The following NUP153 variants were observed in gnomAD, a reference collection of about 807,000 sequenced individuals.
The protein encoded by NUP153 is nucleoporin 153, also known as nuclear pore complex protein Nup153.
Under a neutral mutation model 134.6 loss-of-function variants are expected in NUP153, and 27 were observed. The observed-to-expected ratio is 0.20, with a 90% CI of 0.15 to 0.28. The LOEUF (loss-of-function observed/expected upper bound fraction) is 0.28. NUP153 is among the 10% of genes least tolerant of loss of function. The pLI is 1.00. For synonymous variants in NUP153, 640 were observed against 623.5 expected (o/e 1.03, Z -0.40); for missense variants, 1,821 against 1,731.3 (o/e 1.05, Z -0.92).
At chr6:17,648,112 T>C (rs367735885) in intron 12 of NUP153, among the ~76,000 whole-genome samples, 44 of 152,170 alleles carry the variant, frequency 2.9e-4, no homozygotes, top group Admixed American at 5.9e-4. Context: ...ATCTTAGAGG[T>C]GGATATTTGT....
At chr6:17,623,534 G>A (rs1764763419) in intron 20 of NUP153, among the ~76,000 whole-genome samples, 1 of 152,064 alleles carries the variant, frequency 6.6e-6, no homozygotes, top group Non-Finnish European at 1.5e-5. Context: ...GCAATCCCAT[G>A]CCACTGTATA....
At chr6:17,657,392 AT>A (rs1353196377) in intron 11 of NUP153, among the ~76,000 whole-genome samples, 68 of 148,104 alleles carry the variant, frequency 4.6e-4, no homozygotes, top group African/African-American at 1.2e-3. Flanking sequence ...AAATAAAAAA[AT>A]AAAAAAATAA....
At chr6:17,701,016 G>A (rs1368866397) in intron 1 of NUP153, among the ~76,000 whole-genome samples, 1 of 151,932 alleles carries the variant, frequency 6.6e-6, no homozygotes, top group Non-Finnish European at 1.5e-5. Context: ...ACTTGAGGTC[G>A]GGAGTTCGAG....
At chr6:17,694,845 G>A (rs1000072659) in intron 1 of NUP153, among the ~76,000 whole-genome samples, 2 of 151,762 alleles carry the variant, frequency 1.3e-5, no homozygotes, top group Non-Finnish European at 2.9e-5. Context: ...CGGGCATGGT[G>A]GTGGGCACCT....
chr6:17,651,104 G>C (rs1443777178), intron 11 of NUP153, among the ~76,000 whole-genome samples: 2 of 152,098 alleles, frequency 1.3e-5, no homozygotes, highest in Non-Finnish European at 2.9e-5. Flanking sequence ...TTCGAGACCA[G>C]TCTGGGCAAC....
chr6:17,688,018 C>A (rs1273521844), intron 2 of NUP153, among the ~76,000 whole-genome samples: 3 of 151,924 alleles, frequency 2.0e-5, no homozygotes, highest in African/African-American at 7.3e-5. Context: ...ACTTGGGAGG[C>A]TGAGGCAGGA....
chr6:17,653,448 A>G (rs1363711161), intron 11 of NUP153, among the ~76,000 whole-genome samples: 1 of 152,210 alleles, frequency 6.6e-6, no homozygotes, highest in African/African-American at 2.4e-5. Context: ...AACTAAATAA[A>G]ATGTTCATAC....
intron 16 of NUP153, among the ~76,000 whole-genome samples, chr6:17,636,492 T>C (rs1765557228): frequency 6.6e-6 from 1 of 152,164 alleles, no homozygotes; most frequent in African/African-American, 2.4e-5. Context: ...TCATGAATAA[T>C]GCATTGAAAA....
chr6:17,692,123 CT>C (rs1184797102), intron 1 of NUP153, among the ~76,000 whole-genome samples: 8 of 152,166 alleles, frequency 5.3e-5, no homozygotes, highest in Non-Finnish European at 7.3e-5. Context: ...TCATAGATCC[CT>C]CATGTGGCAA....
intron 20 of NUP153, among the ~76,000 whole-genome samples, chr6:17,618,087 G>T (rs1764433635): frequency 6.6e-6 from 1 of 152,122 alleles, no homozygotes; most frequent in South Asian, 2.1e-4. Context: ...GAAGTTCTCT[G>T]ATACCCTCCA....
chr6:17,657,464 T>A (rs1232047551), intron 11 of NUP153, among the ~76,000 whole-genome samples: 1 of 151,680 alleles, frequency 6.6e-6, no homozygotes, highest in Non-Finnish European at 1.5e-5. Flanking sequence ...CTTGGGAGGC[T>A]GAGACATGAG....
intron 1 of NUP153, among the ~76,000 whole-genome samples, chr6:17,692,076 C>A (rs1769311608): frequency 6.6e-6 from 1 of 152,184 alleles, no homozygotes; most frequent in Non-Finnish European, 1.5e-5. Flanking sequence ...ATCTGGAAGG[C>A]AAGTATAGAA....
At chr6:17,655,139 A>C (rs1173779771) in intron 11 of NUP153, among the ~76,000 whole-genome samples, 2 of 152,216 alleles carry the variant, frequency 1.3e-5, no homozygotes, top group South Asian at 2.1e-4. Context: ...AACACACACA[A>C]AAAAACTCAT....
intron 1 of NUP153, among the ~76,000 whole-genome samples, chr6:17,695,052 G>C (rs1769552411): frequency 6.6e-6 from 1 of 151,998 alleles, no homozygotes; most frequent in East Asian, 1.9e-4. Context: ...CCCAAATACA[G>C]GCGTGTCCTT....
At chr6:17,630,809 GGAGAGAA>G (rs138311573) in intron 17 of NUP153, among the ~76,000 whole-genome samples, 2,846 of 151,050 alleles carry the variant, frequency 0.019, 95 homozygotes, top group African/African-American at 0.065. Context: ...AGAAGAGAGA[GGAGAGAA>G]GAGAAAAGAG....
chr6:17,665,412 A>G, intron 8 of NUP153, 27 bp from the exon 9 acceptor site: 2 of 1,565,746 alleles, frequency 1.3e-6, no homozygotes, highest in Middle Eastern at 1.7e-4. Context: ...AATCAAAAAC[A>G]TTTATTTTCA....
chr6:17,674,867 GA>G (rs537171178), intron 5 of NUP153, 37 bp downstream of exon 5: 97 of 1,427,016 alleles, frequency 6.8e-5, no homozygotes, highest in African/African-American at 3.4e-4. Flanking sequence ...TAAAAAAAAA[GA>G]AAAAAAAAGA....
At chr6:17,679,570 AAAC>A (rs918331839) in intron 2 of NUP153, among the ~76,000 whole-genome samples, 101 of 152,358 alleles carry the variant, frequency 6.6e-4, no homozygotes, top group African/African-American at 2.4e-3. Flanking sequence ...TAATCTTTAA[AAAC>A]AACAAAAAAG....
chr6:17,647,446 G>C (rs1022420512), intron 13 of NUP153, among the ~76,000 whole-genome samples: 1 of 152,134 alleles, frequency 6.6e-6, no homozygotes, highest in African/African-American at 2.4e-5. Flanking sequence ...GGGGATAATG[G>C]GGAAATCTGA....
Sources: allele counts gnomAD v4.1 joint callset (sites outside exome capture counted in the v4.1 genomes callset), GRCh38; gene constraint gnomAD v4.1.1; transcripts MANE v1.5; gene names NCBI Gene and HGNC (gene_info 2026-07-23, HGNC 2026-07-21).